The following DLGAP2 variants were observed in gnomAD, a reference collection of about 807,000 sequenced individuals.
DLGAP2 encodes disks large-associated protein 2.
DLGAP2 carries 26 observed loss-of-function variants against 100.3 expected under a neutral mutation model. The ratio of observed to expected loss-of-function variants is 0.26; its 90% CI spans 0.19 to 0.36. The LOEUF (loss-of-function observed/expected upper bound fraction) is 0.36, where lower values mean the gene tolerates loss of function less well. Among genes scored for constraint, DLGAP2 ranks in the 10% least tolerant of loss-of-function variants. The pLI, the probability that DLGAP2 is intolerant of heterozygous loss-of-function variation, is 1.00. For synonymous variants in DLGAP2, 886 were observed against 630.1 expected, an observed-to-expected ratio of 1.41 and a Z score of -6.08; for missense variants, 1,858 against 1,453.2, an observed-to-expected ratio of 1.28 and a Z score of -4.53.
intron 2 of DLGAP2, among the ~76,000 whole-genome samples, chr8:1,095,185 C>T (rs1585053473): frequency 1.3e-5 from 2 of 152,194 alleles, no homozygotes; most frequent in Non-Finnish European, 2.9e-5. Context: ...ATGCCGTGGT[C>T]ACCCTTTACT....
chr8:1,337,528 G>GTGATGATGATGCTGATGATAGTGA (rs1554445620), intron 3 of DLGAP2, among the ~76,000 whole-genome samples: 1,855 of 148,450 alleles, frequency 0.012, 23 homozygotes, highest in South Asian at 0.052. Context: ...GCTGATGATA[G>GTGATGATGATGCTGATGATAGTGA]TGATGATGAT....
At chr8:1,423,119 T>C (rs1416088885) in intron 3 of DLGAP2, among the ~76,000 whole-genome samples, 1 of 152,200 alleles carries the variant, frequency 6.6e-6, no homozygotes, top group Non-Finnish European at 1.5e-5. Context: ...GGAAATAATA[T>C]GTTTTTAAAA....
rs543780947 is a variant in DLGAP2, at chr8:1,668,677, A to G, written c.2159A>G (p.Gln720Arg). Reference sequence around the variant, plus strand: ...AGCCGCTGCTCCTCCATCGGGATTCAGGTAGCTGCTCTTGGCCGCCCGTCA... The same window carrying G: ...AGCCGCTGCTCCTCCATCGGGATTCGGGTAGCTGCTCTTGGCCGCCCGTCA... Reference protein sequence around the residue: ...LKSRCSSIGIQDSEFPEHQPY... With the variant: ...LKSRCSSIGIRDSEFPEHQPY... The change falls in exon 9 of 15, where the codon CAG becomes CGG. Residue 720 changes from glutamine to arginine, a missense_variant and splice_region_variant. By Grantham distance (43) the Gln-to-Arg change is conservative (BLOSUM62 1). Coordinates refer to ENST00000637795, the MANE Select transcript of DLGAP2 (RefSeq NM_001346810.2). 1 of 1,537,392 alleles carries G rather than the reference A, an allele frequency of 6.5e-7. No individual in the cohort carries two copies. Among genetic ancestry groups the G allele is most frequent in the Non-Finnish European group, 8.8e-7 (1 of 1,139,012 alleles).
At chr8:1,519,937 C>T (rs1011670114) in intron 4 of DLGAP2, among the ~76,000 whole-genome samples, 1 of 152,232 alleles carries the variant, frequency 6.6e-6, no homozygotes, top group African/African-American at 2.4e-5. Context: ...TATCCTCCCA[C>T]ACCTGCCCTG....
intron 2 of DLGAP2, among the ~76,000 whole-genome samples, chr8:1,150,104 T>C (rs1204365279): frequency 6.6e-6 from 1 of 152,232 alleles, no homozygotes; most frequent in African/African-American, 2.4e-5. Context: ...TTGTTTTTTC[T>C]GGGGTTGTTT....
intron 3 of DLGAP2, among the ~76,000 whole-genome samples, chr8:1,431,099 C>A (rs1485110173): frequency 6.6e-6 from 1 of 152,224 alleles, no homozygotes; most frequent in African/African-American, 2.4e-5. Flanking sequence ...GCAAAGGCTA[C>A]TACTATTATT....
intron 3 of DLGAP2, among the ~76,000 whole-genome samples, chr8:1,293,423 C>T (rs575457901): frequency 1.4e-4 from 22 of 152,174 alleles, no homozygotes; most frequent in African/African-American, 4.3e-4. Flanking sequence ...GCTGGGCTCC[C>T]GGACAGCTGA....
chr8:1,498,973 G>A (rs1799626524), intron 3 of DLGAP2, among the ~76,000 whole-genome samples: 1 of 152,192 alleles, frequency 6.6e-6, no homozygotes, highest in Non-Finnish European at 1.5e-5. Flanking sequence ...TGTTAACTTT[G>A]AACGGTGTCA....
chr8:1,378,329 T>G (rs528852101), intron 3 of DLGAP2, among the ~76,000 whole-genome samples: 1 of 145,780 alleles, frequency 6.9e-6, no homozygotes, highest in South Asian at 2.2e-4. Context: ...TTCACCTGTC[T>G]GTCCTGCACA....
chr8:1,651,976 C>G (rs970837584), intron 8 of DLGAP2, among the ~76,000 whole-genome samples: 1 of 152,166 alleles, frequency 6.6e-6, no homozygotes, highest in African/African-American at 2.4e-5. Flanking sequence ...GCAGCCTGCC[C>G]CAGGCACCTA....
chr8:904,529 A>T (rs920170032), intron 1 of DLGAP2, among the ~76,000 whole-genome samples: 1 of 152,166 alleles, frequency 6.6e-6, no homozygotes, highest in Non-Finnish European at 1.5e-5. Flanking sequence ...AAAAAATTAC[A>T]TGGCTGCATG....
intron 3 of DLGAP2, among the ~76,000 whole-genome samples, chr8:1,450,876 A>G (rs1798141053): frequency 6.6e-6 from 1 of 152,000 alleles, no homozygotes. Context: ...TAAAAGAGAC[A>G]CCGTAATAAA....
At chr8:807,145 C>A (rs1796285864) in intron 1 of DLGAP2, among the ~76,000 whole-genome samples, 1 of 152,250 alleles carries the variant, frequency 6.6e-6, no homozygotes, top group Non-Finnish European at 1.5e-5. Context: ...TCCCAGTGGG[C>A]TGGTGGCACG....
intron 6 of DLGAP2, among the ~76,000 whole-genome samples, chr8:1,591,055 C>T (rs957869352): frequency 2.0e-5 from 3 of 152,226 alleles, no homozygotes; most frequent in African/African-American, 7.2e-5. Flanking sequence ...CTTGCCCTTC[C>T]GTGCTCGGGA....
intron 12 of DLGAP2, among the ~76,000 whole-genome samples, chr8:1,686,829 A>G (rs1013039056): frequency 6.6e-6 from 1 of 152,214 alleles, no homozygotes; most frequent in Admixed American, 6.5e-5. Context: ...GTAAGAAAAC[A>G]TGGTTAATAA....
intron 12 of DLGAP2, among the ~76,000 whole-genome samples, chr8:1,686,528 C>A (rs1416615866): frequency 6.6e-6 from 1 of 152,094 alleles, no homozygotes; most frequent in Non-Finnish European, 1.5e-5. Flanking sequence ...GTTAGCCAGG[C>A]ATGGTGGCGC....
intron 3 of DLGAP2, among the ~76,000 whole-genome samples, chr8:1,338,715 A>T (rs961847385): frequency 3.9e-5 from 6 of 152,236 alleles, no homozygotes; most frequent in Admixed American, 3.9e-4. Flanking sequence ...CGGTCCCATA[A>T]TGGGGAGAGA....
chr8:1,496,015 G>A (rs374884434), intron 3 of DLGAP2, among the ~76,000 whole-genome samples: 2 of 152,138 alleles, frequency 1.3e-5, no homozygotes, highest in African/African-American at 2.4e-5. Flanking sequence ...CCCCCGGCAC[G>A]GTTCTCCTTC....
intron 1 of DLGAP2, among the ~76,000 whole-genome samples, chr8:792,312 A>G (rs1585867666): frequency 6.6e-6 from 1 of 152,078 alleles, no homozygotes; most frequent in African/African-American, 2.4e-5. Context: ...ACAACCCAGG[A>G]TTTTCTAAGT....
Sources: gnomAD v4.1 joint callset for allele counts (sites outside exome capture counted in the v4.1 genomes callset) on GRCh38, gnomAD v4.1.1 for gene constraint, MANE v1.5 for transcripts, NCBI Gene and HGNC (gene_info 2026-07-23, HGNC 2026-07-21) for gene names.